The following NT5DC3 variants were observed in gnomAD, a reference collection of about 807,000 sequenced individuals.
The protein encoded by NT5DC3 is 5'-nucleotidase domain containing 3, also known as 5'-nucleotidase domain-containing protein 3.
In NT5DC3, 42 loss-of-function variants were observed where a neutral mutation model predicts 67.8. The ratio of observed to expected loss-of-function variants is 0.62; its 90% CI spans 0.48 to 0.80. The LOEUF is 0.80. Ranked by LOEUF, NT5DC3 falls within the 30% of genes least tolerant of loss-of-function variation. NT5DC3 has a pLI of 0.00. For synonymous variants in NT5DC3, 237 were observed against 255.6 expected, an observed-to-expected ratio of 0.93 and a Z score of 0.69; for missense variants, 570 against 696.4, an observed-to-expected ratio of 0.82 and a Z score of 2.04.
chr12:103,794,671 G>C (rs1315849650), intron 6 of NT5DC3, among the ~76,000 whole-genome samples: 1 of 152,220 alleles, frequency 6.6e-6, no homozygotes, highest in Non-Finnish European at 1.5e-5. Flanking sequence ...TTTTATCTTT[G>C]TGCCCTTTCT....
At chr12:103,785,554 G>A in intron 11 of NT5DC3, 79 bp from the exon 12 acceptor site, 1 of 1,415,742 alleles carries the variant, frequency 7.1e-7, no homozygotes, top group South Asian at 1.2e-5. Flanking sequence ...AGACATGAGA[G>A]GCATTCATTT....
intron 9 of NT5DC3, among the ~76,000 whole-genome samples, chr12:103,791,479 T>G (rs934845): frequency 0.38 from 58,307 of 151,692 alleles, 12,251 homozygotes; most frequent in East Asian, 0.88. Context: ...CAGACACCGA[T>G]AAAGGTTTTT....
chr12:103,802,947 T>A (rs1246963390), intron 4 of NT5DC3, among the ~76,000 whole-genome samples: 1 of 152,144 alleles, frequency 6.6e-6, no homozygotes, highest in African/African-American at 2.4e-5. Flanking sequence ...AGGGGATTAT[T>A]GGGAGTAATG....
chr12:103,782,240 A>G (rs1055029770), intron 12 of NT5DC3, among the ~76,000 whole-genome samples: 1 of 152,132 alleles, frequency 6.6e-6, no homozygotes, highest in Non-Finnish European at 1.5e-5. Flanking sequence ...ATGCTGGTGC[A>G]CACCTGTAAT....
rs544341653 is a variant in NT5DC3, at chr12:103,839,381, T to C, written c.208+1568A>G. On this transcript the variant is annotated intron_variant, in intron 1 of 13. Transcript: ENST00000392876. ...CCCCAACTCAAGCCTCCCAAGTAGC[T>C]GGGACCACAGGTGTGAGCCACGACG... 5.9e-5 allele frequency among the ~76,000 whole-genome samples: 9 copies of C among 152,284 alleles called. 1 individual carries two copies. In the South Asian group the frequency reaches 1.9e-3, roughly 32 times the overall value.
intron 2 of NT5DC3, among the ~76,000 whole-genome samples, chr12:103,812,273 G>A (rs1241978198): frequency 6.6e-6 from 1 of 152,116 alleles, no homozygotes; most frequent in South Asian, 2.1e-4. Context: ...AAAGTGCATC[G>A]GTCTTGGCTG....
intron 9 of NT5DC3, among the ~76,000 whole-genome samples, chr12:103,791,682 T>C (rs1176059942): frequency 6.6e-6 from 1 of 152,062 alleles, no homozygotes; most frequent in Non-Finnish European, 1.5e-5. Context: ...CAGTCCAAGG[T>C]CTGTTAGGAA....
the NT5DC3 span, chr12:103,758,303 C>T: frequency 1.2e-6 from 2 of 1,612,310 alleles, no homozygotes; most frequent in Non-Finnish European, 1.7e-6. Context: ...AGTTGAGTCC[C>T]TGGTGCCTTT....
intron 12 of NT5DC3, among the ~76,000 whole-genome samples, chr12:103,780,783 A>G (rs977873835): frequency 7.2e-5 from 11 of 152,198 alleles, no homozygotes; most frequent in Admixed American, 6.5e-4. Context: ...GCTACCTATT[A>G]TACATATTAT....
intron 12 of NT5DC3, among the ~76,000 whole-genome samples, chr12:103,782,683 T>G (rs1412926726): frequency 6.6e-6 from 1 of 152,240 alleles, no homozygotes; most frequent in African/African-American, 2.4e-5. Context: ...CATTTTGGAA[T>G]GCACTTCAAG....
At chr12:103,795,627 C>T (rs994246290) in intron 6 of NT5DC3, among the ~76,000 whole-genome samples, 96 of 151,888 alleles carry the variant, frequency 6.3e-4, no homozygotes, top group Admixed American at 3.8e-3. Flanking sequence ...AAATATATAA[C>T]AAAAATATTT....
downstream of NT5DC3, among the ~76,000 whole-genome samples, chr12:103,768,540 G>A (rs1593370706): frequency 1.5e-3 from 9 of 5,958 alleles, no homozygotes; most frequent in East Asian, 2.4e-3. Flanking sequence ...AGAGGGAGAG[G>A]GGGAGAGGGA....
At chr12:103,789,093 G>C in intron 9 of NT5DC3, 174 bp from the exon 10 acceptor site, 1 of 588,994 alleles carries the variant, frequency 1.7e-6, no homozygotes, top group East Asian at 2.7e-5. Context: ...CCCAAATTGT[G>C]TGAAGCCCAG....
In NT5DC3 at chr12:103,797,004, A is replaced by G; in HGVS notation, c.643T>C (p.Phe215Leu). 1 of 1,614,172 alleles carries G rather than the reference A, an allele frequency of 6.2e-7. No homozygotes were observed. Among genetic ancestry groups the G allele is most frequent in the Non-Finnish European group, 8.5e-7 (1 of 1,180,014 alleles). Residue 215 changes from phenylalanine to leucine, a missense_variant, in exon 6 of 14, where the codon TTC becomes CTC. Phe to Leu is a conservative substitution (Grantham distance 22). Transcript: ENST00000392876. ...KSSHGNTMKQ[F>L]MDIFSLPEMT... The stretch of plus-strand genomic sequence containing the variant: ...TCGGGCAGGGAGAAGATGTCCATGA[A>G]CTGCTTCATCGTGTTTCCATGAGAG...
chr12:103,806,971 C>A, intron 2 of NT5DC3, 42 bp from the exon 3 acceptor site: 2 of 1,152,316 alleles, frequency 1.7e-6, no homozygotes, highest in Non-Finnish European at 2.6e-6. Flanking sequence ...AACAATGTGC[C>A]AAGTGCAGGA....
At chr12:103,749,256 C>T in the NT5DC3 span, 1 of 1,280,926 alleles carries the variant, frequency 7.8e-7, no homozygotes, top group Non-Finnish European at 1.0e-6. Flanking sequence ...CTGGACTCTT[C>T]CTAAACATTT....
At chr12:103,790,114 G>T (rs1885977620) in intron 9 of NT5DC3, among the ~76,000 whole-genome samples, 1 of 151,260 alleles carries the variant, frequency 6.6e-6, no homozygotes, top group East Asian at 1.9e-4. Context: ...TACATTTTTG[G>T]TTTTTTTGGA....
chr12:103,789,653 G>A (rs1370778), intron 9 of NT5DC3, among the ~76,000 whole-genome samples: 58,116 of 151,854 alleles, frequency 0.38, 12,186 homozygotes, highest in East Asian at 0.88. Flanking sequence ...TTCTGGCTTT[G>A]TACCTGAAAT....
At chr12:103,769,030 T>A, downstream of NT5DC3, among the ~76,000 whole-genome samples, 1 of 152,110 alleles carries the variant, frequency 6.6e-6, no homozygotes, top group East Asian at 1.9e-4. Flanking sequence ...GTCAGTTCCA[T>A]AGAGTGTTAC....
Sources: gnomAD v4.1 joint callset for allele counts (sites outside exome capture counted in the v4.1 genomes callset) on GRCh38, gnomAD v4.1.1 for gene constraint, MANE v1.5 for transcripts, NCBI Gene and HGNC (gene_info 2026-07-23, HGNC 2026-07-21) for gene names.